Variants in NUAK2 observed in about 807,000 individuals in gnomAD.
The protein encoded by NUAK2 is NUAK family kinase 2, also known as NUAK family SNF1-like kinase 2.
Under a neutral mutation model 29.8 loss-of-function variants are expected in NUAK2, and 20 were observed. The ratio of observed to expected loss-of-function variants is 0.67; its 90% CI spans 0.47 to 0.98. The LOEUF (loss-of-function observed/expected upper bound fraction) is 0.98, where lower values mean the gene tolerates loss of function less well. NUAK2 is among the 50% of genes least tolerant of loss of function. The probability of loss-of-function intolerance (pLI) is 0.00; values close to 1 mark genes in which losing one functional copy is unlikely to be tolerated. For synonymous variants in NUAK2, 331 were observed against 342.6 expected (o/e 0.97, Z 0.37); for missense variants, 719 against 834.5 (o/e 0.86, Z 1.71).
intron 2 of NUAK2, among the ~76,000 whole-genome samples, chr1:205,311,277 G>A (rs929786698): frequency 2.0e-5 from 3 of 152,176 alleles, no homozygotes; most frequent in Non-Finnish European, 2.9e-5. Context: ...TAGCACCCAC[G>A]CACCTGAGAC....
At chr1:205,315,655 T>C (rs1464227394) in intron 1 of NUAK2, among the ~76,000 whole-genome samples, 3 of 152,044 alleles carry the variant, frequency 2.0e-5, no homozygotes, top group African/African-American at 7.3e-5. Flanking sequence ...GGCAAATCAC[T>C]CGAGGCCAGA....
At chr1:205,320,543 C>T (rs562618576) in intron 1 of NUAK2, among the ~76,000 whole-genome samples, 1 of 152,238 alleles carries the variant, frequency 6.6e-6, no homozygotes, top group Non-Finnish European at 1.5e-5. Context: ...GGATTACAGG[C>T]GTGAGCCACC....
intron 1 of NUAK2, among the ~76,000 whole-genome samples, chr1:205,315,872 T>TA (rs57174314): frequency 1.2e-4 from 18 of 149,750 alleles, no homozygotes; most frequent in East Asian, 3.9e-4. Flanking sequence ...GCCTCTGTCT[T>TA]AAAAAAAAAA....
intron 2 of NUAK2, among the ~76,000 whole-genome samples, chr1:205,309,573 G>A (rs1313893386): frequency 2.0e-5 from 3 of 152,140 alleles, no homozygotes; most frequent in African/African-American, 7.2e-5. Flanking sequence ...TGATCAGCCC[G>A]CCTCGGCCTC....
intron 1 of NUAK2, among the ~76,000 whole-genome samples, chr1:205,312,163 A>G (rs1662266674): frequency 6.6e-6 from 1 of 152,254 alleles, no homozygotes. Flanking sequence ...AATCTGCACC[A>G]TGAGGACAAG....
At chr1:205,307,795 G>A (rs1238176588) in intron 4 of NUAK2, among the ~76,000 whole-genome samples, 2 of 152,208 alleles carry the variant, frequency 1.3e-5, no homozygotes, top group East Asian at 3.9e-4. Context: ...GTACATACAT[G>A]AGAAGAACTC....
intron 1 of NUAK2, 28 bp from the exon 2 acceptor site, chr1:205,311,853 A>G (rs751294462): frequency 1.2e-6 from 2 of 1,612,476 alleles, no homozygotes; most frequent in Admixed American, 3.3e-5. Flanking sequence ...GAGAGTGAGG[A>G]GAAAGGTTTG....
At position 205,308,062 on chromosome 1, in the gene NUAK2, C is replaced by A; in HGVS notation, c.570+103G>T. 2 of 778,890 alleles carry A rather than the reference C, an allele frequency of 2.6e-6. No individual in the cohort carries two copies. Among genetic ancestry groups the A allele is most frequent in the Non-Finnish European group, 2.2e-6 (1 of 452,664 alleles). The allele number at this position is 778,890 out of a possible 1,614,324, so 48.2% of individuals were successfully genotyped here. On this transcript the variant is annotated intron_variant, in intron 4 of 6. Transcript: ENST00000367157. The surrounding 1 kb of genome is among the most constrained non-coding windows in gnomAD (Gnocchi z 4.1). ...ACCAATGAAGGTCAGCCTTGCTCAG[C>A]TCCTTCAGGAATCCACCAAGAGCTT... is the stretch of plus-strand genomic sequence containing the variant.
rs375831502 is a variant in NUAK2, at chr1:205,304,371, G to A, written c.966C>T (p.His322=). ...AGGCGCGGGCAGAGTCACTGCCAGG[G>A]TGCCCACCCTCATGCGGAGCCTCCT... ...GEQEAPHEGG[H]PGSDSARASM... The change falls in exon 7 of 7, where the codon CAC becomes CAT. Residue 322 remains histidine (H), a synonymous_variant. Transcript: ENST00000367157. The surrounding 1 kb of genome is among the most constrained non-coding windows in gnomAD (Gnocchi z 6.5). 6.8e-6 allele frequency: 11 copies of A among 1,609,918 alleles called. No homozygotes were observed. Among genetic ancestry groups the A allele is most frequent in the African/African-American group, 1.3e-5 (1 of 75,016 alleles).
chr1:205,317,478 G>C (rs1393682934), intron 1 of NUAK2, among the ~76,000 whole-genome samples: 1 of 152,204 alleles, frequency 6.6e-6, no homozygotes, highest in Non-Finnish European at 1.5e-5. Context: ...GGTGGGCCTA[G>C]GGGTGGCTCG....
chr1:205,305,147 T>G, intron 6 of NUAK2, 52 bp downstream of exon 6: 1 of 1,587,830 alleles, frequency 6.3e-7, no homozygotes, highest in Non-Finnish European at 8.6e-7. Flanking sequence ...GCCTTAGGAA[T>G]GAGTGAAGGA....
intron 2 of NUAK2, among the ~76,000 whole-genome samples, chr1:205,310,706 C>A (rs1574892799): frequency 6.6e-6 from 1 of 152,258 alleles, no homozygotes; most frequent in South Asian, 2.1e-4. Context: ...ACACACACCC[C>A]AATCACCACA....
Position 205,305,326 on chromosome 1 carries a change from G to C in NUAK2, c.696C>G (p.Asp232Glu). 1 of 1,613,542 alleles carries C rather than the reference G, an allele frequency of 6.2e-7. No homozygotes were observed. Among genetic ancestry groups the C allele is most frequent in the Non-Finnish European group, 8.5e-7 (1 of 1,179,774 alleles). ...AGAGGAGAACACCCAGGGACCAGCT[G>C]TCCACCTGAGAGAGATGGGGGAGGT... ...NGKPYTGPEV[D>E]SWSLGVLLYI... Residue 232 changes from aspartate (D) to glutamate (E), a missense_variant, in exon 6 of 7, where the codon GAC (aspartate) becomes GAG (glutamate). Asp to Glu is a conservative substitution (Grantham distance 45). This residue lies in a region of NUAK2 where 283 missense variants were observed against 345.6 expected (regional missense o/e 0.82). Transcript: ENST00000367157.
In NUAK2 at chr1:205,311,971, C is replaced by A. The variant is rs186110170; in HGVS notation, c.232-146G>T. On this transcript the variant is annotated intron_variant, in intron 1 of 6. Transcript: ENST00000367157. ...CTCCATCCTTCACCAGTGTAGGTGG[C>A]AGAGAGGCTGGAGAGCACTTTCTCT... 6.6e-5 allele frequency: 69 copies of A among 1,042,030 alleles called. No individual in the cohort carries two copies. In the East Asian group the frequency reaches 1.6e-3, roughly 24 times the overall value. The allele number at this position is 1,042,030 out of a possible 1,614,324, so 64.5% of individuals were successfully genotyped here.
chr1:205,304,895 A>C lies in NUAK2; in HGVS notation c.823+304T>G, dbSNP rs1662157739. The stretch of plus-strand genomic sequence containing the variant: ...CTTCTGAGTCATAGTGAAGGACAAA[A>C]AGATTTCTGAAGATGAGAACAAAAG... On this transcript the variant is annotated intron_variant, in intron 6 of 6. Transcript: ENST00000367157. This position sits in a 1 kb window ranked among gnomAD's most constrained non-coding sequence, Gnocchi z 6.5. Among the ~76,000 whole-genome samples, 1 of 152,228 alleles carries C rather than the reference A, an allele frequency of 6.6e-6. No homozygotes were observed. Among genetic ancestry groups the C allele is most frequent in the African/African-American group, 2.4e-5 (1 of 41,470 alleles).
At position 205,321,501 on chromosome 1, in the gene NUAK2, T is replaced by G. The variant is rs76756527; in HGVS notation, c.128A>C (p.His43Pro). The change falls in exon 1 of 7, where the codon CAC (histidine) becomes CCC (proline). Residue 43 changes from histidine to proline, a missense_variant. Around this residue, in one of 3 missense-constraint regions of NUAK2, gnomAD observed 283 missense variants for 345.6 expected, o/e 0.82. Coordinates refer to ENST00000367157, the MANE Select transcript of NUAK2 (RefSeq NM_030952.3). ...GTGCCGCAGGTTGTGCTTGTGGTGG[T>G]GCCGCTTCACCGCCTGCTTCTTCAT... is the stretch of plus-strand genomic sequence containing the variant. ...PLMKKQAVKR[H>P]HHKHNLRHRY... 6.2e-7 allele frequency: 1 copy of G among 1,613,998 alleles called. No individual in the cohort carries two copies. Among genetic ancestry groups the G allele is most frequent in the Non-Finnish European group, 8.5e-7 (1 of 1,179,890 alleles).
At chr1:205,307,095 C>T (rs1230660370) in intron 4 of NUAK2, among the ~76,000 whole-genome samples, 2 of 152,208 alleles carry the variant, frequency 1.3e-5, no homozygotes, top group East Asian at 1.9e-4. Flanking sequence ...CCAACCCCAT[C>T]GTCTCGTTGC....
rs772106881 is a variant in NUAK2, at chr1:205,303,792, G to A, written c.1545C>T (p.Leu515=). Residue 515 remains leucine (L), a synonymous_variant, in exon 7 of 7, where the codon CTC becomes CTT. Coordinates refer to ENST00000367157, the MANE Select transcript of NUAK2 (RefSeq NM_030952.3). ...NGKFSQTALE[L]AAPTTFGSLD... ...GGGAGCCGAAGGTGGTGGGGGCCGCGAGCTCCAAGGCTGTCTGGGAGAACT... is the reference window on the plus strand; with the variant it reads ...GGGAGCCGAAGGTGGTGGGGGCCGCAAGCTCCAAGGCTGTCTGGGAGAACT... 37 of 1,567,506 alleles carry A rather than the reference G, an allele frequency of 2.4e-5. No individual in the cohort carries two copies. Among genetic ancestry groups the A allele is most frequent in the Admixed American group, 3.7e-5 (2 of 53,548 alleles).
chr1:205,318,606 C>T (rs879646140), intron 1 of NUAK2, among the ~76,000 whole-genome samples: 11 of 152,226 alleles, frequency 7.2e-5, no homozygotes, highest in South Asian at 4.1e-4. Flanking sequence ...CTTGGACTCA[C>T]GGCCCTAATG....
Sources: gnomAD v4.1 joint callset for allele counts (sites outside exome capture counted in the v4.1 genomes callset) on GRCh38, gnomAD v4.1.1 for gene constraint, gnomAD v4.1.1 regional missense constraint, Gnocchi (gnomAD v3.1) non-coding constraint, MANE v1.5 for transcripts, NCBI Gene and HGNC (gene_info 2026-07-23, HGNC 2026-07-21) for gene names.